The following EEA1 variants were observed in gnomAD, a reference collection of about 807,000 sequenced individuals.
EEA1 encodes early endosome antigen 1.
Under a neutral mutation model 209.2 loss-of-function variants are expected in EEA1, and 111 were observed. The ratio of observed to expected loss-of-function variants is 0.53; its 90% CI spans 0.45 to 0.62. EEA1 has a LOEUF of 0.62. Ranked by LOEUF, EEA1 falls within the 20% of genes least tolerant of loss-of-function variation. EEA1 has a pLI of 0.00. For missense variants in EEA1, 1,343 were observed against 1,530.8 expected, an observed-to-expected ratio of 0.88 and a Z score of 2.05; for synonymous variants, 536 against 540.6, an observed-to-expected ratio of 0.99 and a Z score of 0.12.
chr12:92,835,477 T>C (rs774474243), intron 10 of EEA1: 3 of 269,076 alleles, frequency 1.1e-5, no homozygotes, highest in South Asian at 9.7e-5. Context: ...AGTGGCACAA[T>C]ATTGGCTCAC....
intron 13 of EEA1, 105 bp from the exon 14 acceptor site, chr12:92,819,616 T>C (rs1875954228): frequency 1.3e-6 from 1 of 754,464 alleles, no homozygotes; most frequent in Admixed American, 3.4e-5. Context: ...ATACTCAGTC[T>C]TACATTTTTT....
At chr12:92,812,581 A>C (rs951383629) in intron 16 of EEA1, among the ~76,000 whole-genome samples, 30 of 152,160 alleles carry the variant, frequency 2.0e-4, no homozygotes, top group African/African-American at 6.8e-4. Flanking sequence ...TCCAAGTGGC[A>C]AGTACATTTG....
At chr12:92,816,756 CCCTTCTGCAGTCATT>C (rs1418035039) in intron 14 of EEA1, among the ~76,000 whole-genome samples, 1 of 152,180 alleles carries the variant, frequency 6.6e-6, no homozygotes, top group Non-Finnish European at 1.5e-5. Flanking sequence ...TTTCCTCATG[CCCTTCTGCAGTCATT>C]CCTCCCATCC....
intron 12 of EEA1, among the ~76,000 whole-genome samples, chr12:92,826,744 AG>A (rs1458588474): frequency 6.6e-6 from 1 of 151,506 alleles, no homozygotes; most frequent in Non-Finnish European, 1.5e-5. Flanking sequence ...AAAGAAAAAA[AG>A]CAGTACCTCA....
intron 22 of EEA1, among the ~76,000 whole-genome samples, chr12:92,783,662 C>T (rs529216071): frequency 1.1e-4 from 17 of 152,142 alleles, no homozygotes; most frequent in Admixed American, 5.2e-4. Context: ...AAAGGGGAAG[C>T]TTTTTCACTC....
chr12:92,830,012 G>C (rs1442515054), intron 11 of EEA1, among the ~76,000 whole-genome samples: 2 of 78,526 alleles, frequency 2.5e-5, no homozygotes, highest in South Asian at 2.9e-4. Context: ...GGGAGAGTGT[G>C]GGGGGGGCGG....
At chr12:92,829,676 G>A (rs1010214432) in intron 11 of EEA1, among the ~76,000 whole-genome samples, 6 of 151,554 alleles carry the variant, frequency 4.0e-5, no homozygotes, top group African/African-American at 1.5e-4. Flanking sequence ...CTACTCAGGA[G>A]GCTGAGGCAC....
chr12:92,792,248 G>A (rs184646696), intron 21 of EEA1, among the ~76,000 whole-genome samples: 273 of 152,124 alleles, frequency 1.8e-3, no homozygotes, highest in African/African-American at 5.5e-3. Context: ...TCACAAGCAA[G>A]CACAAGGCAA....
intron 9 of EEA1, among the ~76,000 whole-genome samples, chr12:92,850,673 G>C (rs557497846): frequency 9.4e-4 from 90 of 95,356 alleles, no homozygotes; most frequent in African/African-American, 3.7e-3. Flanking sequence ...CTGGGTGACA[G>C]AGCAAGACTT....
At chr12:92,862,769 C>G (rs1878208170) in intron 3 of EEA1, among the ~76,000 whole-genome samples, 1 of 152,066 alleles carries the variant, frequency 6.6e-6, no homozygotes, top group African/African-American at 2.4e-5. Context: ...ACAGAATTAA[C>G]TAAACTTTAT....
chr12:92,863,627 G>A (rs1190256945), intron 3 of EEA1, among the ~76,000 whole-genome samples: 2 of 152,204 alleles, frequency 1.3e-5, no homozygotes, highest in Non-Finnish European at 2.9e-5. Flanking sequence ...AGAATCATGA[G>A]AATTCATAAA....
At chr12:92,777,890 CT>C in intron 26 of EEA1, 50 bp downstream of exon 26, 2 of 1,530,548 alleles carry the variant, frequency 1.3e-6, no homozygotes, top group African/African-American at 2.8e-5. Flanking sequence ...ATATGACAAT[CT>C]TTTTATCACT....
intron 1 of EEA1, among the ~76,000 whole-genome samples, chr12:92,902,574 C>T (rs1880194970): frequency 6.6e-6 from 1 of 152,106 alleles, no homozygotes; most frequent in Non-Finnish European, 1.5e-5. Context: ...AACCCCGTCT[C>T]TACTAAAAAC....
Position 92,787,921 on chromosome 12 carries a change from T to C in EEA1, c.3096A>G (p.Gln1032=), listed in dbSNP as rs748709120. The C allele has an allele frequency of 9.3e-6, 15 of 1,612,872 alleles. No individual in the cohort carries two copies. In the East Asian group the frequency reaches 1.3e-4, roughly 14 times the overall value. The part of the protein sequence containing the change: ...EKSQETFKQL[Q]SDFYGRESEL... ...CAGATTCCCTCCCATAGAAATCAGA[T>C]TGAAGCTGTTTGAAAGTTTCCTGAC... is the stretch of plus-strand genomic sequence containing the variant. The change falls in exon 22 of 29, where the codon CAA becomes CAG. Residue 1032 remains glutamine (Q), a synonymous_variant. Transcript: ENST00000322349.
intron 1 of EEA1, among the ~76,000 whole-genome samples, chr12:92,892,997 A>G (rs1184421562): frequency 6.6e-6 from 1 of 152,204 alleles, no homozygotes; most frequent in Non-Finnish European, 1.5e-5. Context: ...AGACCAATGC[A>G]GCCCAAGTTA....
intron 15 of EEA1, 58 bp downstream of exon 15, chr12:92,816,142 T>G: frequency 1.4e-6 from 2 of 1,471,720 alleles, no homozygotes; most frequent in Non-Finnish European, 1.9e-6. Flanking sequence ...GAAACAGAAT[T>G]TAAAACATTT....
At chr12:92,831,972 A>G (rs900734749) in intron 11 of EEA1, among the ~76,000 whole-genome samples, 4 of 151,080 alleles carry the variant, frequency 2.6e-5, no homozygotes, top group Non-Finnish European at 5.9e-5. Context: ...CTGTAGTCCC[A>G]GCTACTCGGG....
intron 10 of EEA1, among the ~76,000 whole-genome samples, chr12:92,839,071 A>T (rs1476663717): frequency 8.5e-5 from 13 of 152,216 alleles, no homozygotes; most frequent in Non-Finnish European, 1.9e-4. Context: ...AGAATTTTGG[A>T]AAACATGTAT....
chr12:92,818,608 G>A (rs1300088202), intron 14 of EEA1, among the ~76,000 whole-genome samples: 1 of 151,990 alleles, frequency 6.6e-6, no homozygotes, highest in African/African-American at 2.4e-5. Flanking sequence ...TGAAATTTGG[G>A]GGGAAATCTG....
Sources: gnomAD v4.1 joint callset for allele counts (sites outside exome capture counted in the v4.1 genomes callset) on GRCh38, gnomAD v4.1.1 for gene constraint, MANE v1.5 for transcripts, NCBI Gene and HGNC (gene_info 2026-07-23, HGNC 2026-07-21) for gene names.